DNAH17: variants seen among roughly 807,000 people sequenced by gnomAD.
The protein encoded by DNAH17 is dynein axonemal heavy chain 17.
A neutral mutation model predicts 485.6 loss-of-function variants in DNAH17; 376 were observed. The ratio of observed to expected loss-of-function variants is 0.77; its 90% CI spans 0.71 to 0.84. The LOEUF (loss-of-function observed/expected upper bound fraction) is 0.84. Among genes scored for constraint, DNAH17 ranks in the 40% least tolerant of loss-of-function variants. The pLI is 0.00. For synonymous variants in DNAH17, 3,031 were observed against 2,405.9 expected (o/e 1.26, Z -7.60); for missense variants, 6,370 against 5,839.3 (o/e 1.09, Z -2.96).
At chr17:78,451,092 G>A (rs1468777207) in intron 66 of DNAH17, among the ~76,000 whole-genome samples, 1 of 152,244 alleles carries the variant, frequency 6.6e-6, no homozygotes, top group African/African-American at 2.4e-5. Flanking sequence ...GGCGGGCCTG[G>A]GCCTCCTGAG....
rs117346370 is a variant in DNAH17, at chr17:78,537,542, G to A, written c.2677-61C>T. On this transcript the variant is annotated intron_variant, in intron 18 of 80. Transcript: ENST00000389840. ...TCTGTCCTCCATCGGATGATTCTCA[G>A]TGCCCTGATCATCCACTCCGTACCA... The A allele has an allele frequency of 0.051, 79,352 of 1,558,272 alleles. 2,305 individuals are homozygous for A. Among genetic ancestry groups the A allele is most frequent in the Middle Eastern group, 0.062 (323 of 5,218 alleles).
At chr17:78,556,351 G>C (rs969728665) in intron 14 of DNAH17, among the ~76,000 whole-genome samples, 3 of 152,220 alleles carry the variant, frequency 2.0e-5, no homozygotes, top group African/African-American at 7.2e-5. Flanking sequence ...CAAGGAGACA[G>C]ACCATCCCCT....
chr17:78,556,253 A>T (rs2092021100), intron 14 of DNAH17, among the ~76,000 whole-genome samples: 1 of 151,976 alleles, frequency 6.6e-6, no homozygotes, highest in South Asian at 2.1e-4. Flanking sequence ...CCATCTGTCT[A>T]TCCCATTGGT....
In DNAH17 at chr17:78,426,562, G is replaced by A; in HGVS notation, c.12810C>T (p.Ser4270=). 6.2e-7 allele frequency: 1 copy of A among 1,613,230 alleles called. No individual in the cohort carries two copies. The change falls in exon 79 of 81, where the codon TCC becomes TCT. Residue 4270 remains serine (S), a synonymous_variant. Coordinates refer to ENST00000389840, the MANE Select transcript of DNAH17 (RefSeq NM_173628.4). ...GCACGGTGTCATAGAAGAGAGCCGTGGACAGATCTTCCACGTCGGTCGTGA... is the reference window on the plus strand; with the variant it reads ...GCACGGTGTCATAGAAGAGAGCCGTAGACAGATCTTCCACGTCGGTCGTGA... ...LTITTDVEDL[S]TALFYDTVPD...
At chr17:78,501,695 G>A (rs778355884) in intron 34 of DNAH17, 47 bp downstream of exon 34, 1 of 1,598,774 alleles carries the variant, frequency 6.3e-7, no homozygotes, top group Non-Finnish European at 8.5e-7. Context: ...CCTGAACCCG[G>A]TGTCCCCTTG....
chr17:78,461,214 A>T (rs1405935035), intron 58 of DNAH17, among the ~76,000 whole-genome samples: 3 of 151,846 alleles, frequency 2.0e-5, no homozygotes, highest in Non-Finnish European at 4.4e-5. Flanking sequence ...TTTCGTTACC[A>T]TGCAGGCCCC....
intron 36 of DNAH17, 115 bp from the exon 37 acceptor site, chr17:78,499,227 G>T (rs1227317391): frequency 1.8e-5 from 13 of 728,428 alleles, no homozygotes; most frequent in Non-Finnish European, 2.6e-5. Context: ...AGCTTGCTCA[G>T]GCCCCGGTGC....
Position 78,453,355 on chromosome 17 carries a change from A to T in DNAH17, c.10517T>A (p.Ile3506Asn). ...GGAAACAACTCACTTTCCCTTTTTA[A>T]TCGTGTTCCTGCCCAGTAGAGGGTC... ...VLDPLLGRNTIKKGKYIKIGD... is the reference protein window; with the variant it reads ...VLDPLLGRNTNKKGKYIKIGD... Residue 3506 changes from isoleucine (I) to asparagine (N), a missense_variant, in exon 65 of 81, where the codon ATT (isoleucine) becomes AAT (asparagine). Ile to Asn is a moderately radical substitution (Grantham distance 149). Coordinates refer to ENST00000389840, the MANE Select transcript of DNAH17 (RefSeq NM_173628.4). 1 of 1,613,428 alleles carries T rather than the reference A, an allele frequency of 6.2e-7. No homozygotes were observed. Among genetic ancestry groups the T allele is most frequent in the Middle Eastern group, 1.7e-4 (1 of 6,060 alleles).
chr17:78,501,582 G>T, intron 34 of DNAH17, 160 bp downstream of exon 34: 1 of 1,100,042 alleles, frequency 9.1e-7, no homozygotes, highest in Non-Finnish European at 1.3e-6. Flanking sequence ...TGCTCACCAG[G>T]GGTGAGTCCG....
chr17:78,533,366 G>A (rs1319061317), intron 19 of DNAH17, among the ~76,000 whole-genome samples: 1 of 152,150 alleles, frequency 6.6e-6, no homozygotes, highest in Non-Finnish European at 1.5e-5. Flanking sequence ...AATGGCCATT[G>A]GTCTGAGAGC....
At position 78,501,356 on chromosome 17, in the gene DNAH17, G is replaced by C. The variant is rs760600083; in HGVS notation, c.5323-12C>G. On this transcript the variant is annotated splice_polypyrimidine_tract_variant and intron_variant, in intron 34 of 80. Coordinates refer to ENST00000389840, the MANE Select transcript of DNAH17 (RefSeq NM_173628.4). ...TGAGAACTCTCCACCTGCAGGATGA[G>C]CCGGAGCTCTTGTTGCCAGGTGGAA... 1 of 1,580,592 alleles carries C rather than the reference G, an allele frequency of 6.3e-7. No individual in the cohort carries two copies.
At chr17:78,477,729 A>G (rs1274887332) in intron 51 of DNAH17, among the ~76,000 whole-genome samples, 2 of 152,218 alleles carry the variant, frequency 1.3e-5, no homozygotes, top group Non-Finnish European at 2.9e-5. Context: ...TCCCTCAGCC[A>G]CAAACTCCTG....
At chr17:78,487,989 C>T (rs1374070933) in intron 44 of DNAH17, among the ~76,000 whole-genome samples, 3 of 152,224 alleles carry the variant, frequency 2.0e-5, no homozygotes. Flanking sequence ...CAGGGTGTCT[C>T]CATGCCTGTC....
intron 17 of DNAH17, among the ~76,000 whole-genome samples, chr17:78,541,921 T>A (rs995987028): frequency 6.6e-6 from 1 of 151,974 alleles, no homozygotes; most frequent in Non-Finnish European, 1.5e-5. Flanking sequence ...AGGGGAGGGA[T>A]GGGAACTGGG....
intron 48 of DNAH17, among the ~76,000 whole-genome samples, chr17:78,481,346 G>A (rs1011950071): frequency 2.0e-5 from 3 of 151,918 alleles, no homozygotes; most frequent in African/African-American, 7.3e-5. Flanking sequence ...CTTGTGATCC[G>A]CCCGCCTCAG....
rs1174367951 is a variant in DNAH17 at position 78,441,278 on chromosome 17, AGG to A, written c.11529-81_11529-80del. 50 of 1,532,972 alleles carry A rather than the reference AGG, an allele frequency of 3.3e-5. No individual in the cohort carries two copies. In the Middle Eastern group the frequency reaches 1.5e-3, roughly 46 times the overall value. The allele number at this position is 1,532,972 out of a possible 1,614,324, so 95.0% of individuals were successfully genotyped here. On this transcript the variant is annotated intron_variant, in intron 71 of 80. Coordinates refer to ENST00000389840, the MANE Select transcript of DNAH17 (RefSeq NM_173628.4). ...GGGCGCTCGGGGTGGGCTGTGGCCC[AGG>A]CAGGGGGGCCATTTTTTGGTGGACT...
chr17:78,542,717 T>G (rs2143466101), intron 17 of DNAH17, among the ~76,000 whole-genome samples: 1 of 152,302 alleles, frequency 6.6e-6, no homozygotes, highest in Admixed American at 6.5e-5. Flanking sequence ...CTGTTGGGAC[T>G]ACTGGCAAGA....
At chr17:78,492,209 G>A (rs1025948666) in intron 42 of DNAH17, among the ~76,000 whole-genome samples, 12 of 152,144 alleles carry the variant, frequency 7.9e-5, no homozygotes, top group African/African-American at 2.9e-4. Context: ...AACGTCCGGA[G>A]TTCCTTTCAT....
intron 75 of DNAH17, among the ~76,000 whole-genome samples, chr17:78,429,627 C>T (rs946791954): frequency 9.2e-5 from 14 of 152,212 alleles, no homozygotes; most frequent in South Asian, 2.1e-4. Flanking sequence ...TCTGCTGTGC[C>T]TCACTGTGCC....
Sources: gnomAD v4.1 joint callset for allele counts (sites outside exome capture counted in the v4.1 genomes callset) on GRCh38, gnomAD v4.1.1 for gene constraint, MANE v1.5 for transcripts, NCBI Gene and HGNC (gene_info 2026-07-23, HGNC 2026-07-21) for gene names.